TRPM3: variants seen among roughly 807,000 people sequenced by gnomAD.
TRPM3 encodes the protein long transient receptor potential channel 3.
TRPM3 carries 77 observed loss-of-function variants against 181.2 expected under a neutral mutation model. That is an observed-to-expected ratio of 0.42 (90% CI 0.35 to 0.51). The LOEUF (loss-of-function observed/expected upper bound fraction) is 0.51. TRPM3 is among the 20% of genes least tolerant of loss of function. The pLI, the probability that TRPM3 is intolerant of heterozygous loss-of-function variation, is 0.01. For missense variants in TRPM3, 1,759 were observed against 2,196.7 expected, an observed-to-expected ratio of 0.80 and a Z score of 3.98; for synonymous variants, 745 against 796.4, an observed-to-expected ratio of 0.94 and a Z score of 1.09.
intron 1 of TRPM3, among the ~76,000 whole-genome samples, chr9:71,320,363 G>GTT (rs1675678456): frequency 6.6e-6 from 1 of 151,630 alleles, no homozygotes. Flanking sequence ...TGAACACTGA[G>GTT]CAATCTCATG....
intron 1 of TRPM3, among the ~76,000 whole-genome samples, chr9:70,944,233 G>A (rs1377244360): frequency 6.6e-6 from 1 of 152,180 alleles, no homozygotes; most frequent in Non-Finnish European, 1.5e-5. Context: ...AATAGAAAAT[G>A]AGCATCAGCA....
At chr9:71,156,790 G>A (rs112281622) in intron 1 of TRPM3, among the ~76,000 whole-genome samples, 2 of 151,996 alleles carry the variant, frequency 1.3e-5, no homozygotes, top group African/African-American at 4.8e-5. Flanking sequence ...TTGAAAATTT[G>A]CAAAGTCTAA....
chr9:71,115,297 C>A (rs1320163325), intron 1 of TRPM3, among the ~76,000 whole-genome samples: 4 of 152,198 alleles, frequency 2.6e-5, no homozygotes, highest in Non-Finnish European at 5.9e-5. Flanking sequence ...TTCCTGAACC[C>A]ACCACCTACC....
chr9:71,388,391 T>C (rs564083391), intron 1 of TRPM3, among the ~76,000 whole-genome samples: 40 of 152,176 alleles, frequency 2.6e-4, no homozygotes, highest in African/African-American at 9.1e-4. Flanking sequence ...ATGTAAAAAG[T>C]GAGAAGAAAA....
chr9:70,871,742 T>G (rs932988186), intron 1 of TRPM3, among the ~76,000 whole-genome samples: 1 of 152,036 alleles, frequency 6.6e-6, no homozygotes, highest in East Asian at 1.9e-4. Flanking sequence ...ATTATCAACC[T>G]GTTTCAGATG....
At chr9:70,874,595 G>C (rs932853332) in intron 1 of TRPM3, among the ~76,000 whole-genome samples, 2 of 151,900 alleles carry the variant, frequency 1.3e-5, no homozygotes, top group Non-Finnish European at 2.9e-5. Context: ...CCTTAATTCT[G>C]TTTAGCTTTC....
At chr9:71,032,582 A>T (rs2057672914) in intron 1 of TRPM3, among the ~76,000 whole-genome samples, 1 of 152,154 alleles carries the variant, frequency 6.6e-6, no homozygotes, top group South Asian at 2.1e-4. Flanking sequence ...ATGCTGGATT[A>T]ATCATTGAGT....
intron 1 of TRPM3, among the ~76,000 whole-genome samples, chr9:70,977,079 A>G (rs150267834): frequency 5.1e-4 from 77 of 152,294 alleles, no homozygotes; most frequent in Admixed American, 2.0e-3. Context: ...ACTATAAACT[A>G]TGTTTTTGCC....
chr9:71,439,916 C>G (rs2094110465), intron 1 of TRPM3, among the ~76,000 whole-genome samples: 1 of 151,970 alleles, frequency 6.6e-6, no homozygotes, highest in Admixed American at 6.6e-5. Context: ...GTCAGGAGAT[C>G]GAGACCATCT....
At chr9:70,679,630 A>G (rs1229092785) in intron 9 of TRPM3, among the ~76,000 whole-genome samples, 1 of 152,298 alleles carries the variant, frequency 6.6e-6, no homozygotes, top group South Asian at 2.1e-4. Flanking sequence ...TTAATGGTCA[A>G]CTTATCTTGA....
At chr9:70,752,293 A>G (rs976972705) in intron 8 of TRPM3, among the ~76,000 whole-genome samples, 1 of 152,182 alleles carries the variant, frequency 6.6e-6, no homozygotes, top group African/African-American at 2.4e-5. Flanking sequence ...CTGCTTTATG[A>G]AAGAGCTGGC....
chr9:70,768,051 C>T (rs567305776), intron 7 of TRPM3, among the ~76,000 whole-genome samples: 1 of 152,266 alleles, frequency 6.6e-6, no homozygotes, highest in South Asian at 2.1e-4. Flanking sequence ...TGGTGATCAT[C>T]TTGGAGACAA....
At chr9:70,880,269 A>C (rs2095963324) in intron 1 of TRPM3, among the ~76,000 whole-genome samples, 1 of 152,090 alleles carries the variant, frequency 6.6e-6, no homozygotes, top group African/African-American at 2.4e-5. Context: ...TAAACAGTAT[A>C]ATTGCCCATC....
chr9:71,282,356 A>T lies in TRPM3; in HGVS notation c.183+164297T>A, dbSNP rs903432328. ...AGAGAGAAAGAAAGAAAAGAAAGAAAGAAAAAGAAAGAATGAAAGAAAGAA... is the reference window on the plus strand; with the variant it reads ...AGAGAGAAAGAAAGAAAAGAAAGAATGAAAAAGAAAGAATGAAAGAAAGAA... On this transcript the variant is annotated intron_variant, in intron 1 of 24. Coordinates refer to the TRPM3 transcript ENST00000357533. 3.9e-4 allele frequency among the ~76,000 whole-genome samples: 47 copies of T among 120,908 alleles called. 5 individuals carry two copies. Among genetic ancestry groups the T allele is most frequent in the African/African-American group, 1.4e-3 (34 of 23,820 alleles). The allele number at this position is 120,908 out of a possible 152,430, so 79.3% of individuals were successfully genotyped here.
chr9:71,355,289 A>C (rs1459417597), intron 1 of TRPM3, among the ~76,000 whole-genome samples: 1 of 152,236 alleles, frequency 6.6e-6, no homozygotes, highest in African/African-American at 2.4e-5. Context: ...AATGAGGATT[A>C]GAGTGAGCAC....
chr9:70,559,771 C>A (rs2048606583), intron 22 of TRPM3, among the ~76,000 whole-genome samples: 1 of 152,096 alleles, frequency 6.6e-6, no homozygotes. Context: ...CTCCTCAAGC[C>A]CACATGGCCT....
At chr9:71,422,881 CT>C (rs2093802455) in intron 1 of TRPM3, among the ~76,000 whole-genome samples, 1 of 151,924 alleles carries the variant, frequency 6.6e-6, no homozygotes, top group Non-Finnish European at 1.5e-5. Context: ...TATTTCTAAA[CT>C]TTTGACCTTA....
chr9:70,868,108 C>T (rs1236216222), intron 1 of TRPM3, among the ~76,000 whole-genome samples: 1 of 152,044 alleles, frequency 6.6e-6, no homozygotes, highest in East Asian at 1.9e-4. Context: ...AAGTCTCATG[C>T]ACGCTTAGAA....
At chr9:70,877,240 A>G (rs1382315482) in intron 1 of TRPM3, among the ~76,000 whole-genome samples, 2 of 151,970 alleles carry the variant, frequency 1.3e-5, no homozygotes, top group African/African-American at 4.8e-5. Context: ...ATCCTAGCTC[A>G]CTTCTCCAAA....
Sources: allele counts gnomAD v4.1 joint callset (sites outside exome capture counted in the v4.1 genomes callset), GRCh38; gene constraint gnomAD v4.1.1; transcripts MANE v1.5; gene names NCBI Gene and HGNC (gene_info 2026-07-23, HGNC 2026-07-21).